AGBL4: variants seen among roughly 807,000 people sequenced by gnomAD.
AGBL4 encodes AGBL carboxypeptidase 4, also known as cytosolic carboxypeptidase 6.
Under a neutral mutation model 66.4 loss-of-function variants are expected in AGBL4, and 58 were observed. The observed-to-expected ratio is 0.87, with a 90% CI of 0.71 to 1.09. AGBL4 has a LOEUF of 1.09. AGBL4 is among the 50% of genes least tolerant of loss of function. The pLI is 0.00. For missense variants in AGBL4, 579 were observed against 631.0 expected (o/e 0.92, Z 0.88); for synonymous variants, 234 against 222.9 (o/e 1.05, Z -0.44).
In AGBL4 at chr1:49,373,312, G is replaced by A. The variant is rs1003814080; in HGVS notation, c.283-127448C>T. Among the ~76,000 whole-genome samples, 7 of 152,224 alleles carry A rather than the reference G, an allele frequency of 4.6e-5. 1 individual carries two copies. Among genetic ancestry groups the A allele is most frequent in the South Asian group, 4.1e-4 (2 of 4,832 alleles). ...GGTATGTGGTATATGACCAATAGAT[G>A]CTTAATAAATTAAGTAGAACTGATA... On this transcript the variant is annotated intron_variant, in intron 3 of 13. Transcript: ENST00000371839.
intron 1 of AGBL4, among the ~76,000 whole-genome samples, chr1:49,879,585 C>T (rs1647149862): frequency 6.8e-6 from 1 of 147,688 alleles, no homozygotes; most frequent in African/African-American, 2.5e-5. Context: ...TCTCTGGCTG[C>T]CCTTAACATT....
At chr1:49,602,821 CAATA>C (rs146769913) in intron 3 of AGBL4, among the ~76,000 whole-genome samples, 59,202 of 143,830 alleles carry the variant, frequency 0.41, 12,217 homozygotes, top group Middle Eastern at 0.49. Flanking sequence ...ACTTAAAGTA[CAATA>C]AATAAATAAA....
chr1:48,580,365 C>T (rs2148330726), intron 11 of AGBL4, among the ~76,000 whole-genome samples: 1 of 152,256 alleles, frequency 6.6e-6, no homozygotes, highest in Middle Eastern at 3.4e-3. Flanking sequence ...CTTGCTCAAC[C>T]TTGGAGGAGT....
chr1:48,924,455 T>A lies in AGBL4; in HGVS notation c.595-57225A>T, dbSNP rs377027086. 1.7e-4 allele frequency among the ~76,000 whole-genome samples: 26 copies of A among 152,262 alleles called. 1 individual carries two copies. The East Asian group carries it at 2.1e-3, about 12-fold the overall frequency. On this transcript the variant is annotated intron_variant, in intron 5 of 13. Coordinates refer to ENST00000371839, the MANE Select transcript of AGBL4 (RefSeq NM_032785.4). ...GCAAAAGACTTTAAAATAAACCATGTCTTGCTCATCTCTGTATTTCTGGTG... is the reference window on the plus strand; with the variant it reads ...GCAAAAGACTTTAAAATAAACCATGACTTGCTCATCTCTGTATTTCTGGTG...
At chr1:48,666,425 C>T (rs940382708) in intron 6 of AGBL4, among the ~76,000 whole-genome samples, 1 of 152,090 alleles carries the variant, frequency 6.6e-6, no homozygotes, top group African/African-American at 2.4e-5. Flanking sequence ...CTCAAGGGTA[C>T]AAGGGCACAC....
chr1:49,405,769 G>A (rs563813635), intron 3 of AGBL4, among the ~76,000 whole-genome samples: 1 of 152,210 alleles, frequency 6.6e-6, no homozygotes, highest in East Asian at 1.9e-4. Flanking sequence ...GAATATCATG[G>A]GTGTGTGGAA....
chr1:49,310,477 T>G lies in AGBL4; in HGVS notation c.283-64613A>C, dbSNP rs192620880. ...TTTCTAAAAAATTAAATGAAACAAG[T>G]AAGAACTTAAAATATAAAAGATCAC... On this transcript the variant is annotated intron_variant, in intron 3 of 13. Transcript: ENST00000371839. Among the ~76,000 whole-genome samples the G allele has an allele frequency of 1.9e-3, 283 of 152,144 alleles. 2 individuals carry two copies. Among genetic ancestry groups the G allele is most frequent in the African/African-American group, 6.5e-3 (268 of 41,542 alleles).
chr1:50,014,739 G>A (rs1401140614), intron 1 of AGBL4, among the ~76,000 whole-genome samples: 2 of 151,830 alleles, frequency 1.3e-5, no homozygotes, highest in Non-Finnish European at 2.9e-5. Flanking sequence ...TGGCCAGGCT[G>A]GTCTCGAACT....
At chr1:49,608,054 G>A (rs1265502353) in intron 3 of AGBL4, among the ~76,000 whole-genome samples, 1 of 152,130 alleles carries the variant, frequency 6.6e-6, no homozygotes, top group African/African-American at 2.4e-5. Flanking sequence ...CAGGTACAAA[G>A]ATGAGAAAAA....
intron 6 of AGBL4, among the ~76,000 whole-genome samples, chr1:48,821,953 C>A (rs1646324553): frequency 1.3e-5 from 2 of 152,100 alleles, no homozygotes; most frequent in African/African-American, 4.8e-5. Context: ...CCAATAAACT[C>A]ATGAAAAAGT....
chr1:49,614,305 G>GTA (rs927774969), intron 3 of AGBL4, among the ~76,000 whole-genome samples: 2 of 152,038 alleles, frequency 1.3e-5, no homozygotes, highest in Admixed American at 6.6e-5. Flanking sequence ...GAATCATATG[G>GTA]TATATACTCT....
intron 1 of AGBL4, among the ~76,000 whole-genome samples, chr1:49,896,647 ACACACAC>A (rs1308240403): frequency 2.7e-5 from 4 of 148,740 alleles, no homozygotes; most frequent in South Asian, 2.1e-4. Context: ...ACACACACAC[ACACACAC>A]AACTAAATGC....
At chr1:49,147,952 T>C (rs751208343) in intron 4 of AGBL4, among the ~76,000 whole-genome samples, 63 of 152,212 alleles carry the variant, frequency 4.1e-4, no homozygotes, top group Non-Finnish European at 4.9e-4. Context: ...AGCAGGGATC[T>C]TTCTGCATCC....
At chr1:49,171,743 C>T (rs993174394) in intron 4 of AGBL4, among the ~76,000 whole-genome samples, 18 of 152,150 alleles carry the variant, frequency 1.2e-4, no homozygotes, top group African/African-American at 4.3e-4. Context: ...GTATATCCTT[C>T]AGGGAGACAC....
At chr1:49,791,713 G>A (rs1306168549) in intron 2 of AGBL4, among the ~76,000 whole-genome samples, 1 of 151,896 alleles carries the variant, frequency 6.6e-6, no homozygotes, top group Non-Finnish European at 1.5e-5. Context: ...CTATCTTTTA[G>A]GTCTCAGTTT....
In AGBL4 at chr1:49,282,673, G is replaced by C. The variant is rs564215615; in HGVS notation, c.283-36809C>G. Among the ~76,000 whole-genome samples, 2 of 152,220 alleles carry C rather than the reference G, an allele frequency of 1.3e-5. 1 individual carries two copies. Among genetic ancestry groups the C allele is most frequent in the South Asian group, 4.1e-4 (2 of 4,834 alleles). ...AGGTCAGTAGGTGCTCGCACCGTGC[G>C]CGAGCCAAAGCAGGGCGAGGCATTG... On this transcript the variant is annotated intron_variant, in intron 3 of 13. Transcript: ENST00000371839.
At chr1:49,634,082 T>C (rs1480082356) in intron 3 of AGBL4, among the ~76,000 whole-genome samples, 1 of 151,908 alleles carries the variant, frequency 6.6e-6, no homozygotes, top group Non-Finnish European at 1.5e-5. Flanking sequence ...TTAAAAATTA[T>C]ACTTTAAGAT....
At chr1:48,929,940 A>C (rs138297267) in intron 5 of AGBL4, among the ~76,000 whole-genome samples, 2 of 152,132 alleles carry the variant, frequency 1.3e-5, no homozygotes, top group Admixed American at 1.3e-4. Context: ...GCCTCCTGGG[A>C]TGTGCTACCA....
At position 48,671,830 on chromosome 1, in the gene AGBL4, A is replaced by G. The variant is rs555218706; in HGVS notation, c.635-8589T>C. On this transcript the variant is annotated intron_variant, in intron 6 of 13. Transcript: ENST00000371839. ...TGTTCTCAGTAAATACTTGTGAAGT[A>G]GTATTTGTTGCCCTTTGGTTGAATG... Among the ~76,000 whole-genome samples, 110 of 152,316 alleles carry G rather than the reference A, an allele frequency of 7.2e-4. 1 individual carries two copies. Among genetic ancestry groups the G allele is most frequent in the Middle Eastern group, 3.4e-3 (1 of 294 alleles).
Sources: allele counts gnomAD v4.1 joint callset (sites outside exome capture counted in the v4.1 genomes callset), GRCh38; gene constraint gnomAD v4.1.1; transcripts MANE v1.5; gene names NCBI Gene and HGNC (gene_info 2026-07-23, HGNC 2026-07-21).